ABCA5: variants seen among roughly 807,000 people sequenced by gnomAD.
ABCA5 encodes the protein cholesterol transporter ABCA5.
ABCA5 carries 163 observed loss-of-function variants against 206.0 expected under a neutral mutation model. The ratio of observed to expected loss-of-function variants is 0.79; its 90% CI spans 0.70 to 0.90. The LOEUF (loss-of-function observed/expected upper bound fraction) is 0.90. Among genes scored for constraint, ABCA5 ranks in the 40% least tolerant of loss-of-function variants. The probability of loss-of-function intolerance (pLI) is 0.00; values close to 1 mark genes in which losing one functional copy is unlikely to be tolerated. For missense variants in ABCA5, 1,859 were observed against 1,912.9 expected (o/e 0.97, Z 0.53); for synonymous variants, 609 against 613.8 (o/e 0.99, Z 0.11).
At chr17:69,309,740 C>T (rs1172872766) in intron 3 of ABCA5, among the ~76,000 whole-genome samples, 1 of 151,812 alleles carries the variant, frequency 6.6e-6, no homozygotes, top group East Asian at 1.9e-4. Flanking sequence ...ACTTGGGAGG[C>T]GGAGGTGGGA....
chr17:69,297,284 T>C lies in ABCA5; in HGVS notation c.1343A>G (p.Glu448Gly), dbSNP rs201023346. The C allele has an allele frequency of 1.5e-5, 25 of 1,613,022 alleles. No homozygotes were observed. In the East Asian group the frequency reaches 5.6e-4, roughly 36 times the overall value. ...SYWSKSKRNY[E>G]ELSEGNVNGN... Reference sequence around the variant, plus strand: ...ATTAACATTGCCCTCTGATAACTCCTCATAATTTCTTTTGCTCTTTGACCA... The same window carrying C: ...ATTAACATTGCCCTCTGATAACTCCCCATAATTTCTTTTGCTCTTTGACCA... Residue 448 changes from glutamate to glycine, a missense_variant, in exon 10 of 39, where the codon GAG (glutamate) becomes GGG (glycine). Glu to Gly is a moderately conservative substitution (Grantham distance 98, BLOSUM62 -2). Coordinates refer to ENST00000392676, the MANE Select transcript of ABCA5 (RefSeq NM_172232.4).
At chr17:69,291,895 T>C (rs1353878578) in intron 11 of ABCA5, among the ~76,000 whole-genome samples, 1 of 151,854 alleles carries the variant, frequency 6.6e-6, no homozygotes, top group Non-Finnish European at 1.5e-5. Flanking sequence ...GGAGGATCAC[T>C]TGGGCCCAGG....
chr17:69,299,918 T>C (rs1321274323), intron 9 of ABCA5, among the ~76,000 whole-genome samples: 1 of 152,120 alleles, frequency 6.6e-6, no homozygotes, highest in Non-Finnish European at 1.5e-5. Context: ...AGATGAGAGA[T>C]ACTGCAATGG....
intron 7 of ABCA5, among the ~76,000 whole-genome samples, chr17:69,303,493 C>A (rs760501477): frequency 6.6e-6 from 1 of 150,858 alleles, no homozygotes; most frequent in African/African-American, 2.4e-5. Flanking sequence ...TTACAGAAAC[C>A]ATAAATAGCC....
chr17:69,296,222 A>G (rs952865048), intron 10 of ABCA5, among the ~76,000 whole-genome samples: 1 of 152,158 alleles, frequency 6.6e-6, no homozygotes, highest in South Asian at 2.1e-4. Flanking sequence ...TAAGGAAATG[A>G]TTTGTTAATC....
intron 22 of ABCA5, chr17:69,268,829 C>T (rs1422508586): frequency 2.0e-5 from 3 of 152,160 alleles, no homozygotes; most frequent in African/African-American, 7.2e-5. Flanking sequence ...GAGTACATCA[C>T]TGTCTTGCTG....
intron 23 of ABCA5, among the ~76,000 whole-genome samples, chr17:69,266,926 G>A (rs2144926055): frequency 6.6e-6 from 1 of 151,888 alleles, no homozygotes; most frequent in Middle Eastern, 3.4e-3. Context: ...CCAGGCTGGA[G>A]TGCAATGGCA....
At chr17:69,304,415 A>G (rs979693459) in intron 7 of ABCA5, 2 of 266,498 alleles carry the variant, frequency 7.5e-6, no homozygotes, top group Non-Finnish European at 1.4e-5. Flanking sequence ...TTATATAAAG[A>G]CAACAGATAG....
chr17:69,300,464 C>T (rs899140224), intron 9 of ABCA5, among the ~76,000 whole-genome samples: 1 of 152,148 alleles, frequency 6.6e-6, no homozygotes, highest in East Asian at 1.9e-4. Flanking sequence ...TAGTATTACA[C>T]AATACAACTT....
rs749039042 is a variant in ABCA5, at chr17:69,289,244, G to A, written c.1835C>T (p.Ala612Val). Residue 612 changes from alanine (A) to valine (V), a missense_variant, in exon 14 of 39, where the codon GCT (alanine) becomes GTT (valine). Ala to Val is a moderately conservative substitution (Grantham distance 64, BLOSUM62 0). Coordinates refer to ENST00000392676, the MANE Select transcript of ABCA5 (RefSeq NM_172232.4). ...LDMQTIKDNQ[A>V]KKLSGGQKRK... ...TTTTTGACCACCACTTAATTTTTTA[G>A]CTTGGTTATCTTTGATAGTCTGCAT... The A allele has an allele frequency of 1.2e-6, 2 of 1,607,468 alleles. No individual in the cohort carries two copies. The highest frequency in any genetic ancestry group is 1.7e-6 in the Non-Finnish European group (2 of 1,177,192).
In ABCA5 at chr17:69,277,856, C is replaced by A; in HGVS notation, c.2393-14G>T. The A allele has an allele frequency of 6.8e-7, 1 of 1,473,076 alleles. No homozygotes were observed. The highest frequency in any genetic ancestry group is 9.0e-7 in the Non-Finnish European group (1 of 1,107,896). 91.3% of individuals were successfully genotyped at this position (1,473,076 alleles called of 1,614,324 possible). ...ATACACTATAATCTATTTGCCAAAA[C>A]AAAACAAACATTTCAGTATGTTCAT... On this transcript the variant is annotated splice_polypyrimidine_tract_variant and intron_variant, in intron 18 of 38. Coordinates refer to ENST00000392676, the MANE Select transcript of ABCA5 (RefSeq NM_172232.4).
intron 24 of ABCA5, among the ~76,000 whole-genome samples, chr17:69,263,220 A>G (rs189339846): frequency 5.3e-5 from 8 of 152,198 alleles, no homozygotes; most frequent in African/African-American, 1.9e-4. Flanking sequence ...TGCTGTGCAG[A>G]AGCTCTTTAG....
intron 1 of ABCA5, chr17:69,317,302 C>G (rs2075825930): frequency 6.7e-6 from 1 of 150,196 alleles, no homozygotes. Flanking sequence ...ACTCAGGAAG[C>G]CGAGGCAGAA....
intron 1 of ABCA5, among the ~76,000 whole-genome samples, chr17:69,321,172 G>A (rs1196574868): frequency 1.3e-5 from 2 of 152,108 alleles, no homozygotes; most frequent in Non-Finnish European, 2.9e-5. Context: ...ATGTGGGAAG[G>A]CAGTACTTTT....
At chr17:69,262,268 T>G (rs1209743701) in intron 24 of ABCA5, among the ~76,000 whole-genome samples, 1 of 152,168 alleles carries the variant, frequency 6.6e-6, no homozygotes, top group Non-Finnish European at 1.5e-5. Flanking sequence ...GGGATACATG[T>G]GCAGGTGTGT....
At chr17:69,297,650 A>G (rs572987035) in intron 9 of ABCA5, among the ~76,000 whole-genome samples, 1 of 152,284 alleles carries the variant, frequency 6.6e-6, no homozygotes, top group Admixed American at 6.5e-5. Context: ...GCTGAGTGGG[A>G]GGTAAAGGTG....
chr17:69,249,741 G>T, intron 37 of ABCA5, 164 bp downstream of exon 37: 2 of 854,810 alleles, frequency 2.3e-6, no homozygotes, highest in South Asian at 2.4e-5. Context: ...AATAAACCGA[G>T]TCCCCAGTTT....
intron 22 of ABCA5, among the ~76,000 whole-genome samples, chr17:69,270,206 T>C (rs1448400233): frequency 6.6e-6 from 1 of 152,142 alleles, no homozygotes; most frequent in African/African-American, 2.4e-5. Flanking sequence ...ATATGTTGGA[T>C]ACTTTTCTGT....
intron 10 of ABCA5, among the ~76,000 whole-genome samples, chr17:69,295,704 CTG>C (rs1394914139): frequency 6.6e-6 from 1 of 152,120 alleles, no homozygotes; most frequent in Non-Finnish European, 1.5e-5. Flanking sequence ...TTACTATAAT[CTG>C]TGTATATTTT....
Sources: allele counts gnomAD v4.1 joint callset (sites outside exome capture counted in the v4.1 genomes callset), GRCh38; gene constraint gnomAD v4.1.1; transcripts MANE v1.5; gene names NCBI Gene and HGNC (gene_info 2026-07-23, HGNC 2026-07-21).